MAGI2: variants seen among roughly 807,000 people sequenced by gnomAD.
MAGI2 encodes the protein membrane associated guanylate kinase, WW and PDZ domain containing 2.
Under a neutral mutation model 133.3 loss-of-function variants are expected in MAGI2, and 35 were observed. The ratio of observed to expected loss-of-function variants is 0.26; its 90% CI spans 0.20 to 0.35. The LOEUF is 0.35. Ranked by LOEUF, MAGI2 falls within the 10% of genes least tolerant of loss-of-function variation. The pLI is 1.00. For missense variants in MAGI2, 1,636 were observed against 1,863.4 expected (o/e 0.88, Z 2.25); for synonymous variants, 729 against 710.6 (o/e 1.03, Z -0.41).
Position 78,051,840 on chromosome 7 carries a change from C to G in MAGI2, c.3706+27107G>C, listed in dbSNP as rs199864649. Among the ~76,000 whole-genome samples, 25 of 150,700 alleles carry G rather than the reference C, an allele frequency of 1.7e-4. No homozygotes were observed. The East Asian group carries it at 4.9e-3, about 29-fold the overall frequency. On this transcript the variant is annotated intron_variant, in intron 21 of 21. Transcript: ENST00000354212. ...CCTCAAGTCATCCACCTGCCTTGAC[C>G]TCCCATTGTGCTGGAATTGCAGGTG...
chr7:79,246,103 T>A (rs751015121), intron 1 of MAGI2, among the ~76,000 whole-genome samples: 1 of 152,188 alleles, frequency 6.6e-6, no homozygotes, highest in Admixed American at 6.5e-5. Flanking sequence ...AATGCAGATA[T>A]AGCTGCAGTG....
At chr7:79,220,377 CA>C (rs199628442) in intron 1 of MAGI2, among the ~76,000 whole-genome samples, 6 of 151,246 alleles carry the variant, frequency 4.0e-5, no homozygotes, top group East Asian at 1.9e-4. Context: ...GGTAACAGGT[CA>C]AAAAAAATGA....
chr7:78,534,117 T>C (rs767123156), intron 3 of MAGI2, among the ~76,000 whole-genome samples: 5 of 152,216 alleles, frequency 3.3e-5, no homozygotes, highest in Non-Finnish European at 7.3e-5. Context: ...ACAGTCCTCT[T>C]TGAAACTTAC....
At position 79,220,829 on chromosome 7, in the gene MAGI2, C is replaced by T. The variant is rs565277077; in HGVS notation, c.302-213623G>A. Reference sequence around the variant, plus strand: ...AGGAAATCATAGGCATTCACGCCCACCGTGGTACAAATTATTTCATTATAG... The same window carrying T: ...AGGAAATCATAGGCATTCACGCCCATCGTGGTACAAATTATTTCATTATAG... On this transcript the variant is annotated intron_variant, in intron 1 of 21. Transcript: ENST00000354212. Among the ~76,000 whole-genome samples, 81 of 152,204 alleles carry T rather than the reference C, an allele frequency of 5.3e-4. 2 individuals are homozygous for T. The South Asian group carries it at 0.017, about 31-fold the overall frequency.
intron 1 of MAGI2, among the ~76,000 whole-genome samples, chr7:79,218,428 GT>G (rs1732086431): frequency 6.6e-6 from 1 of 152,064 alleles, no homozygotes; most frequent in Non-Finnish European, 1.5e-5. Flanking sequence ...CTTTAGCTAT[GT>G]AACCTTTACC....
chr7:78,468,794 G>T (rs1790902063), intron 6 of MAGI2, among the ~76,000 whole-genome samples: 1 of 152,142 alleles, frequency 6.6e-6, no homozygotes, highest in East Asian at 1.9e-4. Context: ...TGGATAAGGT[G>T]GTGCTGCTTG....
intron 1 of MAGI2, among the ~76,000 whole-genome samples, chr7:79,346,986 ACT>A (rs1173376269): frequency 6.6e-6 from 1 of 151,998 alleles, no homozygotes; most frequent in African/African-American, 2.4e-5. Context: ...ATCCTGAGTC[ACT>A]GTTTTTCAGA....
chr7:79,310,963 C>T (rs1838235878), intron 1 of MAGI2, among the ~76,000 whole-genome samples: 1 of 151,850 alleles, frequency 6.6e-6, no homozygotes, highest in Non-Finnish European at 1.5e-5. Flanking sequence ...CACACACACA[C>T]ACACCCCTCT....
intron 1 of MAGI2, among the ~76,000 whole-genome samples, chr7:79,033,901 A>T (rs1029289597): frequency 7.9e-5 from 12 of 152,170 alleles, no homozygotes; most frequent in African/African-American, 2.7e-4. Flanking sequence ...TGAGTTCTAA[A>T]TATACTAACA....
At chr7:78,224,408 A>C (rs1197017088) in intron 10 of MAGI2, among the ~76,000 whole-genome samples, 1 of 152,098 alleles carries the variant, frequency 6.6e-6, no homozygotes, top group Non-Finnish European at 1.5e-5. Context: ...GCTCATGCCT[A>C]TAATCCCAGC....
intron 1 of MAGI2, among the ~76,000 whole-genome samples, chr7:79,305,250 C>CAT (rs1837694286): frequency 6.6e-6 from 1 of 152,116 alleles, no homozygotes; most frequent in Admixed American, 6.6e-5. Flanking sequence ...ATAGAGCATA[C>CAT]ATATATATGT....
chr7:78,785,563 T>C (rs765248004), intron 2 of MAGI2, among the ~76,000 whole-genome samples: 6 of 152,172 alleles, frequency 3.9e-5, no homozygotes, highest in Non-Finnish European at 8.8e-5. Context: ...TGGAACTCTG[T>C]TATTTGTTTC....
At chr7:78,288,478 G>A (rs948245356) in intron 9 of MAGI2, among the ~76,000 whole-genome samples, 1 of 152,086 alleles carries the variant, frequency 6.6e-6, no homozygotes, top group African/African-American at 2.4e-5. Context: ...TAATTCTTCA[G>A]GAAATACGGT....
At chr7:78,577,632 A>T (rs1428755980) in intron 3 of MAGI2, among the ~76,000 whole-genome samples, 1 of 149,290 alleles carries the variant, frequency 6.7e-6, no homozygotes, top group Non-Finnish European at 1.5e-5. Context: ...TAGGTAAAGG[A>T]AAAAGGGGGG....
chr7:78,256,472 C>T lies in MAGI2; in HGVS notation c.1518G>A (p.Leu506=), dbSNP rs1344385870. ...CAAAGGGCAAAGGGTAGCCACGACA[C>T]AACACCAGGTTGACACTCTGACCAA... ...VPIGQSVNLV[L]CRGYPLPFDP... is the part of the protein sequence containing the mutation. Residue 506 remains leucine, a synonymous_variant, in exon 10 of 22, where the codon TTG becomes TTA. Coordinates refer to ENST00000354212, the MANE Select transcript of MAGI2 (RefSeq NM_012301.4). The T allele has an allele frequency of 6.2e-7, 1 of 1,613,880 alleles. No individual in the cohort carries two copies.
chr7:78,792,061 G>C (rs946033991), intron 2 of MAGI2, among the ~76,000 whole-genome samples: 1 of 151,972 alleles, frequency 6.6e-6, no homozygotes, highest in Admixed American at 6.6e-5. Context: ...TTTATATATG[G>C]TAAAATTAGT....
chr7:78,584,820 T>C (rs1803233715), intron 3 of MAGI2, among the ~76,000 whole-genome samples: 1 of 152,220 alleles, frequency 6.6e-6, no homozygotes, highest in Admixed American at 6.5e-5. Context: ...GCTGTTTTAT[T>C]GTTTAATGTT....
At chr7:78,429,732 A>G (rs116674765) in intron 6 of MAGI2, among the ~76,000 whole-genome samples, 1,727 of 152,056 alleles carry the variant, frequency 0.011, 33 homozygotes, top group African/African-American at 0.039. Context: ...AATAATATAA[A>G]GAAAATATAA....
chr7:79,084,351 A>G (rs1228101857), intron 1 of MAGI2, among the ~76,000 whole-genome samples: 1 of 151,626 alleles, frequency 6.6e-6, no homozygotes, highest in Admixed American at 6.6e-5. Flanking sequence ...TCTGTTTTCA[A>G]TTTAACTGTT....
Sources: allele counts gnomAD v4.1 joint callset (sites outside exome capture counted in the v4.1 genomes callset), GRCh38; gene constraint gnomAD v4.1.1; transcripts MANE v1.5; gene names NCBI Gene and HGNC (gene_info 2026-07-23, HGNC 2026-07-21).